Variants in SLCO1A2 observed in about 807,000 individuals in gnomAD.
SLCO1A2 encodes the protein solute carrier organic anion transporter family member 1A2.
A neutral mutation model predicts 69.0 loss-of-function variants in SLCO1A2; 67 were observed. That is an observed-to-expected ratio of 0.97 (90% confidence interval 0.80 to 1.19). The LOEUF (loss-of-function observed/expected upper bound fraction) is 1.19. Among genes scored for constraint, SLCO1A2 ranks in the 50% most tolerant of loss-of-function variants. SLCO1A2 has a pLI of 0.00. For missense variants in SLCO1A2, 787 were observed against 793.7 expected (o/e 0.99, Z 0.10); for synonymous variants, 260 against 265.9 (o/e 0.98, Z 0.22).
At chr12:21,295,500 C>A in intron 10 of SLCO1A2, 97 bp downstream of exon 10, 1 of 768,330 alleles carries the variant, frequency 1.3e-6, no homozygotes, top group Admixed American at 2.5e-5. Context: ...ATCATTAACT[C>A]CAATAAGAAA....
At chr12:21,393,668 T>A (rs920770772) in intron 1 of SLCO1A2, among the ~76,000 whole-genome samples, 11 of 152,198 alleles carry the variant, frequency 7.2e-5, no homozygotes, top group African/African-American at 2.7e-4. Flanking sequence ...ACCAGGTGAC[T>A]GTAAGAGATA....
At position 21,374,696 on chromosome 12, in the gene SLCO1A2, T is replaced by C. The variant is rs867195056; in HGVS notation, c.-189-171A>G. Among the ~76,000 whole-genome samples the C allele has an allele frequency of 3.0e-4, 45 of 152,360 alleles. No homozygotes were observed. In the South Asian group the frequency reaches 6.2e-3, roughly 21 times the overall value. On this transcript the variant is annotated intron_variant, in intron 1 of 15. Coordinates refer to the SLCO1A2 transcript ENST00000307378. ...TCTGATAAGCAGAATATCTGAATGA[T>C]GACAGGAAAATCAGTAGTATTTCCT...
intron 2 of SLCO1A2, among the ~76,000 whole-genome samples, chr12:21,371,587 G>A (rs560209488): frequency 6.6e-6 from 1 of 152,188 alleles, no homozygotes; most frequent in East Asian, 1.9e-4. Flanking sequence ...TCTAGTTAGA[G>A]AACTTCAATT....
At chr12:21,384,870 A>G (rs139537284) in intron 1 of SLCO1A2, among the ~76,000 whole-genome samples, 292 of 150,048 alleles carry the variant, frequency 1.9e-3, no homozygotes, top group African/African-American at 6.8e-3. Context: ...GGTTCACGCC[A>G]TTCTCCAGCC....
At position 21,274,456 on chromosome 12, in the gene SLCO1A2, T is replaced by C; in HGVS notation, c.1793+13A>G. Reference sequence around the variant, plus strand: ...TGCTTATAAAACAATTTTAAACAAATTATTATCTTTACCTGAAGGTGGTGG... The same window carrying C: ...TGCTTATAAAACAATTTTAAACAAACTATTATCTTTACCTGAAGGTGGTGG... On this transcript the variant is annotated intron_variant, in intron 14 of 14. Transcript: ENST00000683939. The C allele has an allele frequency of 1.3e-6, 2 of 1,548,450 alleles. No homozygotes were observed. Among genetic ancestry groups the C allele is most frequent in the South Asian group, 1.1e-5 (1 of 89,670 alleles).
Position 21,304,576 on chromosome 12 carries a change from G to GCATTAAAAAAAAAA in SLCO1A2, c.443-17_443-4dup. On this transcript the variant is annotated splice_polypyrimidine_tract_variant and splice_region_variant and intron_variant, in intron 5 of 14. Coordinates refer to ENST00000683939, the MANE Select transcript of SLCO1A2 (RefSeq NM_001386879.1). ...TGATTTAACTTCCTTTGTACACTCT[G>GCATTAAAAAAAAAA]CATTAAAAAAAAAAGACATGACATT... The GCATTAAAAAAAAAA allele has an allele frequency of 1.3e-6, 2 of 1,567,146 alleles. No individual in the cohort carries two copies. Among genetic ancestry groups the GCATTAAAAAAAAAA allele is most frequent in the Non-Finnish European group, 1.7e-6 (2 of 1,165,552 alleles).
intron 1 of SLCO1A2, among the ~76,000 whole-genome samples, chr12:21,412,707 C>A (rs1941927875): frequency 6.6e-6 from 1 of 152,156 alleles, no homozygotes; most frequent in Admixed American, 6.5e-5. Flanking sequence ...GGCAATCAAT[C>A]TTGTAGAGTG....
chr12:21,327,186 G>T (rs1315277584), intron 2 of SLCO1A2, among the ~76,000 whole-genome samples: 1 of 152,186 alleles, frequency 6.6e-6, no homozygotes, highest in East Asian at 1.9e-4. Flanking sequence ...GGGCCTGCAG[G>T]TGCATAAAAG....
At chr12:21,340,151 C>G (rs546459278) in intron 2 of SLCO1A2, among the ~76,000 whole-genome samples, 1 of 152,086 alleles carries the variant, frequency 6.6e-6, no homozygotes, top group East Asian at 1.9e-4. Context: ...ATTGCAATTT[C>G]TATGTCATAC....
chr12:21,308,757 C>G (rs934534638), intron 4 of SLCO1A2, among the ~76,000 whole-genome samples: 1 of 152,156 alleles, frequency 6.6e-6, no homozygotes, highest in Non-Finnish European at 1.5e-5. Context: ...GAGCCATGTG[C>G]GAAACAGCCA....
intron 1 of SLCO1A2, among the ~76,000 whole-genome samples, chr12:21,416,742 G>A (rs940359737): frequency 3.9e-5 from 6 of 151,934 alleles, no homozygotes; most frequent in Non-Finnish European, 1.5e-5. Context: ...TTATTTGGCT[G>A]AGCATCCTCA....
At chr12:21,319,529 T>A in intron 2 of SLCO1A2, 1 of 1,268,568 alleles carries the variant, frequency 7.9e-7, no homozygotes, top group Non-Finnish European at 1.1e-6. Flanking sequence ...GCAATCCCAG[T>A]TGTGTCTAAG....
At chr12:21,300,018 ATG>A (rs1291845080) in intron 8 of SLCO1A2, among the ~76,000 whole-genome samples, 1 of 147,754 alleles carries the variant, frequency 6.8e-6, no homozygotes, top group East Asian at 2.0e-4. Context: ...GTACATATAT[ATG>A]TGTATATATG....
chr12:21,362,462 C>A (rs1172113561), intron 2 of SLCO1A2, among the ~76,000 whole-genome samples: 6 of 152,096 alleles, frequency 3.9e-5, no homozygotes, highest in Non-Finnish European at 5.9e-5. Flanking sequence ...ATTGTAAAGA[C>A]CATTGGTACT....
intron 12 of SLCO1A2, among the ~76,000 whole-genome samples, chr12:21,288,142 G>T (rs1946252100): frequency 6.6e-6 from 1 of 152,072 alleles, no homozygotes; most frequent in African/African-American, 2.4e-5. Flanking sequence ...TTACTTGTGG[G>T]AGCTAAAAAT....
At chr12:21,317,371 C>T (rs969346815) in intron 3 of SLCO1A2, among the ~76,000 whole-genome samples, 1 of 152,112 alleles carries the variant, frequency 6.6e-6, no homozygotes, top group African/African-American at 2.4e-5. Flanking sequence ...GCACTGCATC[C>T]TTCTTAGGCT....
At chr12:21,278,292 T>C (rs1307077250) in intron 12 of SLCO1A2, among the ~76,000 whole-genome samples, 1 of 152,180 alleles carries the variant, frequency 6.6e-6, no homozygotes, top group Non-Finnish European at 1.5e-5. Context: ...ATGGCATCTC[T>C]GGACCTTCCT....
intron 2 of SLCO1A2, among the ~76,000 whole-genome samples, chr12:21,366,461 G>A (rs1358554368): frequency 1.3e-5 from 2 of 151,934 alleles, no homozygotes; most frequent in Non-Finnish European, 2.9e-5. Context: ...GAGTTGACGG[G>A]TGCAGCACAC....
Position 21,269,141 on chromosome 12 carries a change from CAG to C in SLCO1A2, c.*405_*406del. ...ATAAAATATTTAAATCTTCACATAA[CAG>C]AATGAGAATTTAGGCATCTGAATAA... On this transcript the variant is annotated 3_prime_UTR_variant, in exon 15 of 15. Coordinates refer to ENST00000683939, the MANE Select transcript of SLCO1A2 (RefSeq NM_001386879.1). 6.5e-6 allele frequency: 1 copy of C among 154,608 alleles called. No individual in the cohort carries two copies. 9.6% of individuals were successfully genotyped at this position (154,608 alleles called of 1,614,324 possible).
Sources: allele counts gnomAD v4.1 joint callset (sites outside exome capture counted in the v4.1 genomes callset), GRCh38; gene constraint gnomAD v4.1.1; transcripts MANE v1.5; gene names NCBI Gene and HGNC (gene_info 2026-07-23, HGNC 2026-07-21).